RBFOX1: variants seen among roughly 807,000 people sequenced by gnomAD.
The protein encoded by RBFOX1 is RNA binding fox-1 homolog 1.
A neutral mutation model predicts 57.7 loss-of-function variants in RBFOX1; 8 were observed. That is an observed-to-expected ratio of 0.14 (90% CI 0.08 to 0.25). The LOEUF (loss-of-function observed/expected upper bound fraction) is 0.25, where lower values mean the gene tolerates loss of function less well. Ranked by LOEUF, RBFOX1 falls within the 10% of genes least tolerant of loss-of-function variation. RBFOX1 has a pLI of 1.00. For missense variants in RBFOX1, 611 were observed against 548.5 expected (o/e 1.11, Z -1.14); for synonymous variants, 326 against 222.4 (o/e 1.47, Z -4.15).
intron 2 of RBFOX1, among the ~76,000 whole-genome samples, chr16:6,540,450 A>G (rs1376758560): frequency 1.3e-5 from 2 of 151,868 alleles, no homozygotes; most frequent in Admixed American, 1.3e-4. Flanking sequence ...CATCTCTACT[A>G]AAAATACAAA....
chr16:6,616,164 T>C (rs1001562764), intron 2 of RBFOX1, among the ~76,000 whole-genome samples: 6 of 152,308 alleles, frequency 3.9e-5, no homozygotes, highest in African/African-American at 9.6e-5. Context: ...TTTTTCATCA[T>C]TGTATGTGTA....
chr16:5,890,489 G>C (rs2058020794), intron 4 of RBFOX1, among the ~76,000 whole-genome samples: 1 of 152,028 alleles, frequency 6.6e-6, no homozygotes, highest in African/African-American at 2.4e-5. Flanking sequence ...ACGAGGTCAG[G>C]AGTTTGAGAC....
intron 2 of RBFOX1, among the ~76,000 whole-genome samples, chr16:6,333,097 T>C (rs2083236873): frequency 1.3e-5 from 2 of 152,202 alleles, no homozygotes; most frequent in Admixed American, 1.3e-4. Context: ...TGGAGTGCGG[T>C]GGCATGATGT....
chr16:7,368,640 C>T (rs574149840), intron 4 of RBFOX1, among the ~76,000 whole-genome samples: 146 of 151,964 alleles, frequency 9.6e-4, no homozygotes, highest in African/African-American at 3.4e-3. Context: ...ATTAGCCAGG[C>T]GTGGTGGCGG....
chr16:7,060,865 C>T (rs960290953), intron 4 of RBFOX1, among the ~76,000 whole-genome samples: 3 of 152,082 alleles, frequency 2.0e-5, no homozygotes, highest in African/African-American at 7.2e-5. Context: ...GCATGAATAC[C>T]ATTCTTTGCA....
chr16:6,429,373 G>T (rs1032396021), intron 2 of RBFOX1, among the ~76,000 whole-genome samples: 3 of 152,158 alleles, frequency 2.0e-5, no homozygotes, highest in Non-Finnish European at 2.9e-5. Context: ...TTCCATTATA[G>T]AATAACAACA....
intron 3 of RBFOX1, among the ~76,000 whole-genome samples, chr16:5,824,558 A>G (rs146884916): frequency 1.4e-3 from 216 of 152,268 alleles, no homozygotes; most frequent in Middle Eastern, 3.4e-3. Context: ...GACACATGCA[A>G]TTTCCCTCCT....
At chr16:5,735,505 C>G (rs1301173359) in intron 3 of RBFOX1, among the ~76,000 whole-genome samples, 1 of 152,220 alleles carries the variant, frequency 6.6e-6, no homozygotes, top group African/African-American at 2.4e-5. Flanking sequence ...AGTTCCTTCC[C>G]GCTTCCGCAT....
chr16:6,471,626 T>TA (rs1249886024), intron 2 of RBFOX1, among the ~76,000 whole-genome samples: 2 of 151,390 alleles, frequency 1.3e-5, no homozygotes, highest in Non-Finnish European at 2.9e-5. Flanking sequence ...GTATTTCTGT[T>TA]AGCTCTCAGT....
chr16:6,883,729 A>C (rs1324349381), intron 3 of RBFOX1, among the ~76,000 whole-genome samples: 2 of 152,180 alleles, frequency 1.3e-5, no homozygotes, highest in Non-Finnish European at 2.9e-5. Context: ...AGAATGATAG[A>C]GTCCAAAAGT....
At chr16:6,860,526 A>C (rs984009298) in intron 3 of RBFOX1, among the ~76,000 whole-genome samples, 5 of 152,198 alleles carry the variant, frequency 3.3e-5, no homozygotes, top group Non-Finnish European at 1.5e-5. Context: ...TGGGACATTC[A>C]AGATGCATGT....
chr16:7,669,299 CAGAA>C (rs1433826532), intron 13 of RBFOX1, among the ~76,000 whole-genome samples: 1 of 151,974 alleles, frequency 6.6e-6, no homozygotes, highest in African/African-American at 2.4e-5. Flanking sequence ...TTGACCTTCT[CAGAA>C]AGAGACCAAA....
At chr16:5,641,122 A>C (rs117723924) in intron 3 of RBFOX1, among the ~76,000 whole-genome samples, 1 of 151,844 alleles carries the variant, frequency 6.6e-6, no homozygotes, top group South Asian at 2.1e-4. Flanking sequence ...ACACACATGC[A>C]TACACACATG....
chr16:6,261,600 C>T (rs2097701793), intron 1 of RBFOX1, among the ~76,000 whole-genome samples: 2 of 152,200 alleles, frequency 1.3e-5, no homozygotes, highest in African/African-American at 4.8e-5. Flanking sequence ...CCAGTTTCAT[C>T]TCTGTAAATG....
chr16:7,298,396 C>A lies in RBFOX1; in HGVS notation c.28-219751C>A, dbSNP rs1475630380. Among the ~76,000 whole-genome samples the A allele has an allele frequency of 1.3e-4, 19 of 142,186 alleles. No individual in the cohort carries two copies. In the Admixed American group the frequency reaches 1.4e-3, roughly 11 times the overall value. 93.3% of individuals were successfully genotyped at this position (142,186 alleles called of 152,430 possible). ...CTCCGCCTCCTGGGTTCAAGTGATT[C>A]TCATGCGTCTGCCTCCCAAGTAGCT... is the stretch of plus-strand genomic sequence containing the variant. On this transcript the variant is annotated intron_variant, in intron 4 of 15. Transcript: ENST00000550418.
At chr16:6,143,727 G>A (rs1157327861) in intron 1 of RBFOX1, among the ~76,000 whole-genome samples, 3 of 152,130 alleles carry the variant, frequency 2.0e-5, no homozygotes, top group African/African-American at 7.2e-5. Flanking sequence ...AAAGCTCAAA[G>A]TTTGCTCCCA....
At chr16:6,238,929 A>G (rs538728045) in intron 1 of RBFOX1, among the ~76,000 whole-genome samples, 8 of 152,124 alleles carry the variant, frequency 5.3e-5, no homozygotes, top group Non-Finnish European at 1.0e-4. Context: ...AGTTATTTAA[A>G]ATGTACCGTT....
intron 1 of RBFOX1, among the ~76,000 whole-genome samples, chr16:5,377,568 G>C (rs2066017907): frequency 6.9e-6 from 1 of 145,386 alleles, no homozygotes; most frequent in Non-Finnish European, 1.5e-5. Flanking sequence ...AGGAAGGAAA[G>C]GAAAGAGAGG....
At chr16:5,944,277 C>T (rs1182858719) in intron 4 of RBFOX1, among the ~76,000 whole-genome samples, 1 of 152,206 alleles carries the variant, frequency 6.6e-6, no homozygotes, top group Non-Finnish European at 1.5e-5. Context: ...GGTTGCTTAT[C>T]TCTAGGAATG....
Sources: gnomAD v4.1 joint callset for allele counts (sites outside exome capture counted in the v4.1 genomes callset) on GRCh38, gnomAD v4.1.1 for gene constraint, MANE v1.5 for transcripts, NCBI Gene and HGNC (gene_info 2026-07-23, HGNC 2026-07-21) for gene names.